DAPK2: variants seen among roughly 807,000 people sequenced by gnomAD.
DAPK2 encodes death associated protein kinase 2.
Under a neutral mutation model 44.1 loss-of-function variants are expected in DAPK2, and 35 were observed. The observed-to-expected ratio is 0.79, with a 90% CI of 0.61 to 1.05. The LOEUF is 1.05. Among genes scored for constraint, DAPK2 ranks in the 50% least tolerant of loss-of-function variants. The pLI, the probability that DAPK2 is intolerant of heterozygous loss-of-function variation, is 0.00. For missense variants in DAPK2, 453 were observed against 483.2 expected, an observed-to-expected ratio of 0.94 and a Z score of 0.59; for synonymous variants, 174 against 182.6, an observed-to-expected ratio of 0.95 and a Z score of 0.38.
At chr15:63,949,069 T>A (rs1198800561) in intron 3 of DAPK2, among the ~76,000 whole-genome samples, 1 of 152,196 alleles carries the variant, frequency 6.6e-6, no homozygotes, top group African/African-American at 2.4e-5. Flanking sequence ...TGGTTTGCCA[T>A]TTCCAACCTA....
rs1180476893 is a variant in DAPK2, at chr15:63,980,168, G to T, written c.314+3365C>A. ...CCAAGCAAGTCATGGGAGCACCAGC[G>T]TGACAACTGATGTTACAGATGGTGC... On this transcript the variant is annotated intron_variant, in intron 2 of 10. Coordinates refer to ENST00000261891, the Ensembl canonical transcript of DAPK2. This position sits in a 1 kb window ranked among gnomAD's most constrained non-coding sequence, Gnocchi z 4.3. Among the ~76,000 whole-genome samples, 1 of 152,160 alleles carries T rather than the reference G, an allele frequency of 6.6e-6. No homozygotes were observed. The highest frequency in any genetic ancestry group is 1.5e-5 in the Non-Finnish European group (1 of 68,030).
At position 63,923,152 on chromosome 15, in the gene DAPK2, CA is replaced by C; in HGVS notation, c.858+1663del. 1 of 1,535,888 alleles carries C rather than the reference CA, an allele frequency of 6.5e-7. No homozygotes were observed. Among genetic ancestry groups the C allele is most frequent in the South Asian group, 1.2e-5 (1 of 84,056 alleles). The stretch of plus-strand genomic sequence containing the variant: ...CGTCCTGGATGGTATCGTGGGCCTC[CA>C]CCAGGGCACGGCATCCCAGGTCGAC... On this transcript the variant is annotated intron_variant, in intron 8 of 10. Coordinates refer to ENST00000261891, the Ensembl canonical transcript of DAPK2. This position sits in a 1 kb window ranked among gnomAD's most constrained non-coding sequence, Gnocchi z 4.2.
Position 63,911,831 on chromosome 15 carries a change from G to C in DAPK2, c.1032+77C>G, listed in dbSNP as rs914377272. 3.0e-5 allele frequency: 44 copies of C among 1,442,820 alleles called. No homozygotes were observed. The Middle Eastern group carries it at 1.4e-3, about 46-fold the overall frequency. 89.4% of individuals were successfully genotyped at this position (1,442,820 alleles called of 1,614,324 possible). ...GTGAACACCCACCTGCCTTGTGAGG[G>C]GAAAGGGAACTCACCCATCCCTGAG... On this transcript the variant is annotated intron_variant, in intron 10 of 10. Transcript: ENST00000261891.
chr15:63,946,144 A>G (rs2140493575), intron 3 of DAPK2, among the ~76,000 whole-genome samples: 1 of 152,360 alleles, frequency 6.6e-6, no homozygotes, highest in East Asian at 1.9e-4. Flanking sequence ...TTGTCAAAAC[A>G]AACCCACCCA....
intron 1 of DAPK2, among the ~76,000 whole-genome samples, chr15:64,009,953 C>T (rs1043263282): frequency 1.3e-5 from 2 of 152,188 alleles, no homozygotes; most frequent in African/African-American, 2.4e-5. Context: ...AAGGCTTGTT[C>T]TAGGCAGCCA....
Position 63,908,616 on chromosome 15 carries a change from A to G in DAPK2, c.1033-16T>C. 3.8e-6 allele frequency: 6 copies of G among 1,580,294 alleles called. No homozygotes were observed. Among genetic ancestry groups the G allele is most frequent in the Non-Finnish European group, 5.1e-6 (6 of 1,165,588 alleles). ...CACAGTTCCTCTGGAGAAAAAAAAG[A>G]GAAAGAGGTCCAGGGCAGGAGGATC... On this transcript the variant is annotated splice_polypyrimidine_tract_variant and intron_variant, in intron 10 of 10. Coordinates refer to ENST00000261891, the Ensembl canonical transcript of DAPK2. The surrounding 1 kb of genome is among the most constrained non-coding windows in gnomAD (Gnocchi z 5.7).
At position 63,951,694 on chromosome 15, in the gene DAPK2, C is replaced by T. The variant is rs945272056; in HGVS notation, c.454-12333G>A. On this transcript the variant is annotated intron_variant, in intron 3 of 10. Transcript: ENST00000261891. ...TACCATAGCACATTGATGTTTGTCA[C>T]TCTACCCCCTGGCATACAGTAGACC... Among the ~76,000 whole-genome samples the T allele has an allele frequency of 5.9e-5, 9 of 152,184 alleles. No homozygotes were observed. In the East Asian group the frequency reaches 1.7e-3, roughly 29 times the overall value.
At chr15:64,017,927 G>A (rs1194927188) in intron 1 of DAPK2, among the ~76,000 whole-genome samples, 2 of 152,058 alleles carry the variant, frequency 1.3e-5, no homozygotes, top group African/African-American at 4.8e-5. Flanking sequence ...CCATAAAATT[G>A]CAAAATCCTA....
At position 63,908,405 on chromosome 15, in the gene DAPK2, C is replaced by T; in HGVS notation, c.*115G>A. 1.8e-6 allele frequency: 1 copy of T among 560,370 alleles called. No homozygotes were observed. The highest frequency in any genetic ancestry group is 3.0e-6 in the Non-Finnish European group (1 of 337,602). 34.7% of individuals were successfully genotyped at this position (560,370 alleles called of 1,614,324 possible). A position where few individuals can be genotyped will look rare whatever the true frequency, so the allele number is the denominator to read the frequency against. ...TTCTGAATTCCTTGGGCCCATCTCTCTTGCAAAGTGCTCAGGACGCCCGGG... is the reference window on the plus strand; with the variant it reads ...TTCTGAATTCCTTGGGCCCATCTCTTTTGCAAAGTGCTCAGGACGCCCGGG... On this transcript the variant is annotated 3_prime_UTR_variant, in exon 11 of 11. Transcript: ENST00000261891. This position sits in a 1 kb window ranked among gnomAD's most constrained non-coding sequence, Gnocchi z 5.7.
intron 6 of DAPK2, among the ~76,000 whole-genome samples, chr15:63,926,826 T>C (rs896138778): frequency 2.6e-5 from 4 of 152,196 alleles, no homozygotes; most frequent in Admixed American, 6.5e-5. Context: ...TTCACAAATG[T>C]ACCCGAGCTA....
chr15:63,958,945 A>T (rs1404869619), intron 3 of DAPK2, among the ~76,000 whole-genome samples: 1 of 152,202 alleles, frequency 6.6e-6, no homozygotes, highest in Non-Finnish European at 1.5e-5. Context: ...TACCTTGGGC[A>T]TTATGGCCAT....
intron 3 of DAPK2, among the ~76,000 whole-genome samples, chr15:63,964,501 G>A (rs1167254653): frequency 6.6e-6 from 1 of 152,028 alleles, no homozygotes; most frequent in African/African-American, 2.4e-5. Flanking sequence ...TCTTTCTCTA[G>A]CTTTGGGAAG....
chr15:63,998,819 C>T (rs748106976), intron 1 of DAPK2, among the ~76,000 whole-genome samples: 12 of 152,150 alleles, frequency 7.9e-5, no homozygotes, highest in South Asian at 4.1e-4. Context: ...CACTGTTGTG[C>T]GTTTGTGCTG....
chr15:63,936,229 C>T (rs935651420), intron 4 of DAPK2, among the ~76,000 whole-genome samples: 29 of 152,194 alleles, frequency 1.9e-4, no homozygotes, highest in African/African-American at 7.0e-4. Flanking sequence ...AATTTTCTTG[C>T]TGCTCACTGC....
At chr15:63,932,726 T>C (rs113756976) in intron 4 of DAPK2, 2 of 152,176 alleles carry the variant, frequency 1.3e-5, no homozygotes, top group African/African-American at 4.8e-5. Flanking sequence ...ACAGCCTGTG[T>C]CTGCCCTCCT....
chr15:63,984,976 A>G (rs982869696), intron 1 of DAPK2, among the ~76,000 whole-genome samples: 3 of 152,242 alleles, frequency 2.0e-5, no homozygotes, highest in East Asian at 1.9e-4. Flanking sequence ...TACATAGGCC[A>G]ACACTTAGGT....
At position 64,046,278 on chromosome 15, in the gene DAPK2, C is replaced by A. The variant is rs2080460556; in HGVS notation, c.-7+20G>T. 1.0e-6 allele frequency: 1 copy of A among 976,934 alleles called. No individual in the cohort carries two copies. The highest frequency in any genetic ancestry group is 4.8e-5 in the South Asian group (1 of 20,744). The allele number at this position is 976,934 out of a possible 1,614,324, so 60.5% of individuals were successfully genotyped here. On this transcript the variant is annotated intron_variant, in intron 1 of 11. Transcript: ENST00000457488. This position sits in a 1 kb window ranked among gnomAD's most constrained non-coding sequence, Gnocchi z 5.3. ...CGCGCCCCGTCCCGCCCATCGAGCCCGCAGACGGGTGCTACTCACGGCGGG... is the reference window on the plus strand; with the variant it reads ...CGCGCCCCGTCCCGCCCATCGAGCCAGCAGACGGGTGCTACTCACGGCGGG...
At position 63,930,516 on chromosome 15, in the gene DAPK2, A is replaced by G. The variant is rs148155224; in HGVS notation, c.584-61T>C. ...TGAAAATGAGAGGAGAGATGGTTTT[A>G]GGGAATTTTAGGGAATTTGGTGCCA... is the stretch of plus-strand genomic sequence containing the variant. On this transcript the variant is annotated intron_variant, in intron 4 of 10. Transcript: ENST00000261891. The G allele has an allele frequency of 3.0e-4, 441 of 1,494,770 alleles. No individual in the cohort carries two copies. In the African/African-American group the frequency reaches 5.4e-3, roughly 18 times the overall value. The allele number at this position is 1,494,770 out of a possible 1,614,324, so 92.6% of individuals were successfully genotyped here.
At chr15:63,936,723 G>C (rs2077163780) in intron 4 of DAPK2, among the ~76,000 whole-genome samples, 1 of 151,398 alleles carries the variant, frequency 6.6e-6, no homozygotes, top group Non-Finnish European at 1.5e-5. Context: ...GTTCACGCCT[G>C]TCACCCAGCA....
Sources: allele counts gnomAD v4.1 joint callset (sites outside exome capture counted in the v4.1 genomes callset), GRCh38; gene constraint gnomAD v4.1.1; non-coding constraint Gnocchi (gnomAD v3.1); transcripts MANE v1.5; gene names NCBI Gene and HGNC (gene_info 2026-07-23, HGNC 2026-07-21).